The following PCIF1 variants were observed in gnomAD, a reference collection of about 807,000 sequenced individuals.
The protein encoded by PCIF1 is phosphorylated CTD interacting factor 1, also known as mRNA (2'-O-methyladenosine-N(6)-)-methyltransferase.
Under a neutral mutation model 86.9 loss-of-function variants are expected in PCIF1, and 12 were observed. That is an observed-to-expected ratio of 0.14 (90% CI 0.09 to 0.22). PCIF1 has a LOEUF of 0.22. Among genes scored for constraint, PCIF1 ranks in the 10% least tolerant of loss-of-function variants. The pLI is 1.00. For synonymous variants in PCIF1, 397 were observed against 372.0 expected, an observed-to-expected ratio of 1.07 and a Z score of -0.77; for missense variants, 701 against 951.1, an observed-to-expected ratio of 0.74 and a Z score of 3.46.
intron 4 of PCIF1, 88 bp from the exon 5 acceptor site, chr20:45,940,387 G>T (rs1214602569): frequency 9.0e-6 from 13 of 1,438,758 alleles, no homozygotes; most frequent in Non-Finnish European, 1.2e-5. Context: ...AGGAGTAGGA[G>T]CAGGGGTGGG....
intron 10 of PCIF1, among the ~76,000 whole-genome samples, chr20:45,944,107 G>A (rs939317755): frequency 6.6e-6 from 1 of 152,014 alleles, no homozygotes; most frequent in East Asian, 1.9e-4. Flanking sequence ...TTGGGTGTGT[G>A]TGTTCATATC....
At chr20:45,940,355 C>T in intron 4 of PCIF1, 120 bp from the exon 5 acceptor site, 5 of 1,289,694 alleles carry the variant, frequency 3.9e-6, no homozygotes, top group Non-Finnish European at 5.1e-6. Context: ...TGCCTGTATC[C>T]CAGCTCCTCT....
At position 45,937,496 on chromosome 20, in the gene PCIF1, C is replaced by T; in HGVS notation, c.-109C>T. 1 of 399,138 alleles carries T rather than the reference C, an allele frequency of 2.5e-6. No individual in the cohort carries two copies. The highest frequency in any genetic ancestry group is 4.4e-6 in the Non-Finnish European group (1 of 226,110). The allele number at this position is 399,138 out of a possible 1,614,324, so 24.7% of individuals were successfully genotyped here. ...CATTCGCCTGTGCTGAGTCTTCCTG[C>T]AGGCCTTTCCTTGCCTCTGTGGGAC... is the stretch of plus-strand genomic sequence containing the variant. On this transcript the variant is annotated 5_prime_UTR_variant, in exon 2 of 17. Transcript: ENST00000372409.
Position 45,941,200 on chromosome 20 carries a change from G to A in PCIF1, c.666G>A (p.Gln222=). ...AGCACTATCGGGAGCTGTGCCAGCA[G>A]CGAGAGGGTACCTGCCTCTGGGCTG... ...LRQHYRELCQ[Q]REGIEPPRES... is the part of the protein sequence containing the mutation. The change falls in exon 7 of 17, where the codon CAG becomes CAA. Residue 222 remains glutamine, a synonymous_variant. Transcript: ENST00000372409. 1.2e-6 allele frequency: 2 copies of A among 1,602,938 alleles called. No homozygotes were observed. Among genetic ancestry groups the A allele is most frequent in the South Asian group, 1.1e-5 (1 of 89,832 alleles).
rs1336546637 is a variant in PCIF1, at chr20:45,947,202, G to A, written c.1707+36G>A. On this transcript the variant is annotated intron_variant, in intron 15 of 16. Coordinates refer to ENST00000372409, the MANE Select transcript of PCIF1 (RefSeq NM_022104.4). This position sits in a 1 kb window ranked among gnomAD's most constrained non-coding sequence, Gnocchi z 5.4. ...TGCCAGGGTGAGAGGTGGGCAACAG[G>A]CAGGATTGCCAGCCACCTGGGAGGT... The A allele has an allele frequency of 6.2e-7, 1 of 1,601,878 alleles. No individual in the cohort carries two copies. Among genetic ancestry groups the A allele is most frequent in the South Asian group, 1.1e-5 (1 of 90,364 alleles).
chr20:45,939,160 G>A (rs779699460), intron 3 of PCIF1, 37 bp downstream of exon 3: 1 of 1,614,042 alleles, frequency 6.2e-7, no homozygotes, highest in Non-Finnish European at 8.5e-7. Context: ...GGTGGGGTAG[G>A]AAGGGCACCC....
intron 10 of PCIF1, among the ~76,000 whole-genome samples, chr20:45,944,580 A>G (rs963050669): frequency 6.6e-6 from 1 of 152,230 alleles, no homozygotes; most frequent in Non-Finnish European, 1.5e-5. Flanking sequence ...AACAAAAGCT[A>G]CTGGCATTTA....
At chr20:45,945,160 G>C in intron 11 of PCIF1, 130 bp downstream of exon 11, 1 of 1,121,692 alleles carries the variant, frequency 8.9e-7, no homozygotes, top group Non-Finnish European at 1.2e-6. Context: ...TCCTTTGGCT[G>C]TACTTCTCTG....
Position 45,946,382 on chromosome 20 carries a change from C to A in PCIF1, c.1611C>A (p.Arg537=). ...FPDTDGYFGS[R]GPCLDFAPLS... ...ACACAGACGGCTACTTTGGCTCCCGCGGGTGAGGGCCAAGGGCTGCCCCTC... is the reference window on the plus strand; with the variant it reads ...ACACAGACGGCTACTTTGGCTCCCGAGGGTGAGGGCCAAGGGCTGCCCCTC... The change falls in exon 14 of 17, where the codon CGC becomes CGA. Residue 537 remains arginine (R), a splice_region_variant and synonymous_variant. Transcript: ENST00000372409. 1 of 1,612,764 alleles carries A rather than the reference C, an allele frequency of 6.2e-7. No individual in the cohort carries two copies.
At chr20:45,939,558 G>A (rs544464072) in intron 4 of PCIF1, among the ~76,000 whole-genome samples, 1 of 152,352 alleles carries the variant, frequency 6.6e-6, no homozygotes, top group South Asian at 2.1e-4. Flanking sequence ...TGCACGGTGG[G>A]TGCTGTGCCG....
At position 45,947,817 on chromosome 20, in the gene PCIF1, C is replaced by T. The variant is rs2083548601; in HGVS notation, c.*62C>T. 2.3e-5 allele frequency: 35 copies of T among 1,548,368 alleles called. No individual in the cohort carries two copies. The South Asian group carries it at 3.9e-4, about 17-fold the overall frequency. ...GTCTGGACTGCTGGGACTCGGGCCC[C>T]TGGGGCCTCAGAGGGACCCCGGCTG... On this transcript the variant is annotated 3_prime_UTR_variant, in exon 17 of 17. Coordinates refer to ENST00000372409, the MANE Select transcript of PCIF1 (RefSeq NM_022104.4). This position sits in a 1 kb window ranked among gnomAD's most constrained non-coding sequence, Gnocchi z 5.4.
Position 45,947,385 on chromosome 20 carries a change from C to T in PCIF1, c.1830C>T (p.Ile610=). The T allele has an allele frequency of 1.2e-6, 2 of 1,614,062 alleles. No individual in the cohort carries two copies. The highest frequency in any genetic ancestry group is 1.1e-5 in the South Asian group (1 of 91,090). Residue 610 remains isoleucine (I), a synonymous_variant, in exon 16 of 17, where the codon ATC becomes ATT. Transcript: ENST00000372409. This position sits in a 1 kb window ranked among gnomAD's most constrained non-coding sequence, Gnocchi z 5.4. ...GCCGCTTCAAACGCCACCAGTTGAT[C>T]CTGCCTGCCTTTGAGCATGAGTACC... The part of the protein sequence containing the change: ...EQSRFKRHQL[I]LPAFEHEYRS...
rs542462384 is a variant in PCIF1, at chr20:45,943,522, G to C, written c.905+99G>C. 7.3e-7 allele frequency: 1 copy of C among 1,374,372 alleles called. No individual in the cohort carries two copies. Among genetic ancestry groups the C allele is most frequent in the South Asian group, 1.2e-5 (1 of 81,448 alleles). The allele number at this position is 1,374,372 out of a possible 1,614,324, so 85.1% of individuals were successfully genotyped here. On this transcript the variant is annotated intron_variant, in intron 9 of 16. Coordinates refer to ENST00000372409, the MANE Select transcript of PCIF1 (RefSeq NM_022104.4). The surrounding 1 kb of genome is among the most constrained non-coding windows in gnomAD (Gnocchi z 5.5). ...CTCATGCAGGGCTGTCATTGCTCTCGGTGGCAGAAGTGGGGCCAGCTCCCA... is the reference window on the plus strand; with the variant it reads ...CTCATGCAGGGCTGTCATTGCTCTCCGTGGCAGAAGTGGGGCCAGCTCCCA...
chr20:45,943,869 G>A lies in PCIF1; in HGVS notation c.1005+104G>A. On this transcript the variant is annotated intron_variant, in intron 10 of 16. Coordinates refer to ENST00000372409, the MANE Select transcript of PCIF1 (RefSeq NM_022104.4). The surrounding 1 kb of genome is among the most constrained non-coding windows in gnomAD (Gnocchi z 5.5). ...AGGCTGGGCAAGGCCTCCCCCAGCGGCCTATTCTTGTGCAGTATGGCAGAC... is the reference window on the plus strand; with the variant it reads ...AGGCTGGGCAAGGCCTCCCCCAGCGACCTATTCTTGTGCAGTATGGCAGAC... The A allele has an allele frequency of 1.1e-6, 1 of 877,750 alleles. No individual in the cohort carries two copies. Among genetic ancestry groups the A allele is most frequent in the Non-Finnish European group, 1.8e-6 (1 of 558,716 alleles). 54.4% of individuals were successfully genotyped at this position (877,750 alleles called of 1,614,324 possible).
intron 4 of PCIF1, 142 bp from the exon 5 acceptor site, chr20:45,940,333 C>A: frequency 9.4e-7 from 1 of 1,064,112 alleles, no homozygotes; most frequent in Non-Finnish European, 1.3e-6. Context: ...AGGACTGGAG[C>A]CCAGTGTTCT....
chr20:45,945,432 A>G lies in PCIF1; in HGVS notation c.1169-279A>G, dbSNP rs1289596052. Among the ~76,000 whole-genome samples the G allele has an allele frequency of 2.6e-5, 4 of 152,200 alleles. No homozygotes were observed. In the East Asian group the frequency reaches 5.8e-4, roughly 22 times the overall value. The stretch of plus-strand genomic sequence containing the variant: ...TTCTCGTTCTTCTGCCTGGCAGCAC[A>G]ACCCACGGGCCTGAGCCTTCTTGCC... On this transcript the variant is annotated intron_variant, in intron 11 of 16. Coordinates refer to ENST00000372409, the MANE Select transcript of PCIF1 (RefSeq NM_022104.4).
At position 45,937,544 on chromosome 20, in the gene PCIF1, GAGA is replaced by G. The variant is rs1005520885; in HGVS notation, c.-56_-54del. 6 of 398,938 alleles carry G rather than the reference GAGA, an allele frequency of 1.5e-5. No individual in the cohort carries two copies. The highest frequency in any genetic ancestry group is 1.2e-4 in the African/African-American group (6 of 48,630). The allele number at this position is 398,938 out of a possible 1,614,324, so 24.7% of individuals were successfully genotyped here. A position where few individuals can be genotyped will look rare whatever the true frequency, so the allele number is the denominator to read the frequency against. On this transcript the variant is annotated 5_prime_UTR_variant, in exon 2 of 17. Coordinates refer to ENST00000372409, the MANE Select transcript of PCIF1 (RefSeq NM_022104.4). ...GACCCTGTGGGGGTCCATCCGGCTG[GAGA>G]AGAAAAGCCTCTCATGCTAACGTTG...
intron 5 of PCIF1, 86 bp from the exon 6 acceptor site, chr20:45,940,723 G>A (rs1568792476): frequency 4.5e-6 from 7 of 1,569,594 alleles, no homozygotes; most frequent in Non-Finnish European, 6.1e-6. Context: ...GGGGGCCTGG[G>A]ACACAGTTCA....
In PCIF1 at chr20:45,940,608, C is replaced by T; in HGVS notation, c.383C>T (p.Pro128Leu). 1 of 1,611,038 alleles carries T rather than the reference C, an allele frequency of 6.2e-7. No homozygotes were observed. The highest frequency in any genetic ancestry group is 8.5e-7 in the Non-Finnish European group (1 of 1,178,404). ...CCAAGCGGCAATGGTGTGAAGAAGC[C>T]CAAGGTGAGTGTCTGTGGCCAGGAG... is the stretch of plus-strand genomic sequence containing the variant. ...EQPSGNGVKK[P>L]KIEIPVTPTG... The change falls in exon 5 of 17, where the codon CCC (proline) becomes CTC (leucine). Residue 128 changes from proline (P) to leucine (L), a missense_variant. Transcript: ENST00000372409.
Sources: allele counts gnomAD v4.1 joint callset (sites outside exome capture counted in the v4.1 genomes callset), GRCh38; gene constraint gnomAD v4.1.1; non-coding constraint Gnocchi (gnomAD v3.1); transcripts MANE v1.5; gene names NCBI Gene and HGNC (gene_info 2026-07-23, HGNC 2026-07-21).